Variants in ADK observed in about 807,000 individuals in gnomAD.
ADK encodes the protein N6,N6-dimethyladenosine kinase.
ADK carries 24 observed loss-of-function variants against 44.7 expected under a neutral mutation model. The observed-to-expected ratio is 0.54, with a 90% confidence interval of 0.39 to 0.76. ADK has a LOEUF of 0.76. ADK is among the 30% of genes least tolerant of loss of function. The probability of loss-of-function intolerance (pLI) is 0.00; values close to 1 mark genes in which losing one functional copy is unlikely to be tolerated. For missense variants in ADK, 321 were observed against 425.1 expected (o/e 0.76, Z 2.15); for synonymous variants, 128 against 142.6 (o/e 0.90, Z 0.73).
intron 3 of ADK, among the ~76,000 whole-genome samples, chr10:74,300,864 A>G (rs1840007791): frequency 1.3e-5 from 2 of 152,260 alleles, no homozygotes; most frequent in African/African-American, 4.8e-5. Flanking sequence ...ACACATTTGT[A>G]GCAGATGTTT....
intron 9 of ADK, among the ~76,000 whole-genome samples, chr10:74,647,229 G>GA (rs1027279476): frequency 6.6e-6 from 1 of 151,686 alleles, no homozygotes; most frequent in Non-Finnish European, 1.5e-5. Context: ...GAGAAGGAAG[G>GA]AAAAAAAAGA....
At chr10:74,570,912 C>T (rs1850929875) in intron 7 of ADK, among the ~76,000 whole-genome samples, 1 of 152,146 alleles carries the variant, frequency 6.6e-6, no homozygotes, top group South Asian at 2.1e-4. Context: ...CAGTATGATA[C>T]TGGCTATGGG....
At chr10:74,203,691 G>T (rs1342390143) in intron 2 of ADK, among the ~76,000 whole-genome samples, 2 of 151,700 alleles carry the variant, frequency 1.3e-5, no homozygotes, top group African/African-American at 4.8e-5. Flanking sequence ...ACACTGTTTT[G>T]ATTACTGTAG....
chr10:74,658,910 G>C (rs1854593852), intron 9 of ADK, among the ~76,000 whole-genome samples: 1 of 151,902 alleles, frequency 6.6e-6, no homozygotes, highest in African/African-American at 2.4e-5. Flanking sequence ...ATATACACGT[G>C]CATATATATA....
chr10:74,640,218 G>C (rs746617481), intron 9 of ADK, among the ~76,000 whole-genome samples: 3 of 152,198 alleles, frequency 2.0e-5, no homozygotes, highest in African/African-American at 7.2e-5. Context: ...ATGAGGCAGG[G>C]CCTTGAAAGT....
intron 7 of ADK, among the ~76,000 whole-genome samples, chr10:74,562,372 T>G (rs1025330127): frequency 2.6e-5 from 4 of 152,182 alleles, no homozygotes; most frequent in Admixed American, 2.6e-4. Flanking sequence ...AGTCTGAGTC[T>G]TGCTACAGAA....
intron 6 of ADK, among the ~76,000 whole-genome samples, chr10:74,498,610 T>C (rs1399250845): frequency 6.6e-6 from 1 of 152,106 alleles, no homozygotes; most frequent in African/African-American, 2.4e-5. Flanking sequence ...TGTGCCATAT[T>C]GGTGTGCTGC....
At chr10:74,550,243 G>A (rs992332542) in intron 7 of ADK, among the ~76,000 whole-genome samples, 14 of 151,778 alleles carry the variant, frequency 9.2e-5, no homozygotes, top group African/African-American at 2.9e-4. Flanking sequence ...GCTAATTTTT[G>A]TATTCTTAGT....
At chr10:74,272,957 C>T (rs144213653) in intron 3 of ADK, among the ~76,000 whole-genome samples, 1 of 152,256 alleles carries the variant, frequency 6.6e-6, no homozygotes, top group African/African-American at 2.4e-5. Context: ...TTGCCTTAAG[C>T]ACACTGGTGT....
chr10:74,703,363 T>C (rs1198856390), intron 10 of ADK, among the ~76,000 whole-genome samples: 1 of 151,884 alleles, frequency 6.6e-6, no homozygotes, highest in East Asian at 1.9e-4. Context: ...GCACCTGTGG[T>C]CCCAGCTACC....
chr10:74,642,687 T>C (rs940706141), intron 9 of ADK, among the ~76,000 whole-genome samples: 9 of 152,140 alleles, frequency 5.9e-5, no homozygotes, highest in African/African-American at 2.2e-4. Context: ...TCTAGACATC[T>C]TTCTACTGAG....
Position 74,589,305 on chromosome 10 carries a change from G to A in ADK, c.750G>A (p.Glu250=), listed in dbSNP as rs1264114920. Residue 250 remains glutamate (E), a synonymous_variant, in exon 8 of 11, where the codon GAG becomes GAA. Coordinates refer to ENST00000539909, the MANE Select transcript of ADK (RefSeq NM_006721.4). ...AGGAAGCTGCCACTTTTGCTAGAGA[G>A]CAAGGCTTTGAGGTGAGTTAACCCA... ...NETEAATFAR[E]QGFETKDIKE... is the part of the protein sequence containing the mutation. 1 of 1,613,184 alleles carries A rather than the reference G, an allele frequency of 6.2e-7. No individual in the cohort carries two copies. Among genetic ancestry groups the A allele is most frequent in the African/African-American group, 1.3e-5 (1 of 74,692 alleles).
intron 7 of ADK, among the ~76,000 whole-genome samples, chr10:74,567,299 A>G (rs539122227): frequency 6.6e-6 from 1 of 152,300 alleles, no homozygotes; most frequent in African/African-American, 2.4e-5. Flanking sequence ...AAGAATTTTC[A>G]CTTATTGTCT....
At chr10:74,703,755 T>C (rs917751055) in intron 10 of ADK, among the ~76,000 whole-genome samples, 1 of 152,216 alleles carries the variant, frequency 6.6e-6, no homozygotes, top group Non-Finnish European at 1.5e-5. Flanking sequence ...ACACTGTAGC[T>C]ATGTAAGAGA....
chr10:74,680,949 G>A (rs1036305573), intron 10 of ADK, among the ~76,000 whole-genome samples: 1 of 152,132 alleles, frequency 6.6e-6, no homozygotes, highest in Non-Finnish European at 1.5e-5. Context: ...ACTGATTTCT[G>A]TCATCAAATG....
intron 4 of ADK, among the ~76,000 whole-genome samples, chr10:74,391,584 A>G (rs1291426421): frequency 2.6e-5 from 4 of 151,504 alleles, no homozygotes; most frequent in Non-Finnish European, 2.9e-5. Context: ...GCTTGCACCT[A>G]TAGTCCCAAC....
rs184033403 is a variant in ADK at position 74,223,106 on chromosome 10, A to G, written c.141-1432A>G. On this transcript the variant is annotated intron_variant, in intron 2 of 10. Transcript: ENST00000539909. ...GGGTATTTTATAAGAAAAGGAATTT[A>G]TTTCTTACAGTTATGGAGGTTGAGA... Among the ~76,000 whole-genome samples, 776 of 152,302 alleles carry G rather than the reference A, an allele frequency of 5.1e-3. 9 individuals carry two copies. The highest frequency in any genetic ancestry group is 0.018 in the African/African-American group (747 of 41,562).
At chr10:74,358,318 C>G (rs1842211844) in intron 4 of ADK, among the ~76,000 whole-genome samples, 1 of 152,170 alleles carries the variant, frequency 6.6e-6, no homozygotes, top group South Asian at 2.1e-4. Flanking sequence ...AAGGGAAATG[C>G]ATTAACTTAG....
chr10:74,566,201 C>CTTTTTTTTT (rs772254919), intron 7 of ADK, among the ~76,000 whole-genome samples: 5 of 113,990 alleles, frequency 4.4e-5, no homozygotes, highest in East Asian at 2.4e-4. Context: ...CTCTCTCTCT[C>CTTTTTTTTT]TTTTTTTTTT....
Sources: gnomAD v4.1 joint callset for allele counts (sites outside exome capture counted in the v4.1 genomes callset) on GRCh38, gnomAD v4.1.1 for gene constraint, MANE v1.5 for transcripts, NCBI Gene and HGNC (gene_info 2026-07-23, HGNC 2026-07-21) for gene names.